BLMH: variants seen among roughly 807,000 people sequenced by gnomAD.
BLMH encodes the protein bleomycin hydrolase.
In BLMH, 32 loss-of-function variants were observed where a neutral mutation model predicts 61.6. The ratio of observed to expected loss-of-function variants is 0.52; its 90% CI spans 0.39 to 0.70. BLMH has a LOEUF of 0.70. Among genes scored for constraint, BLMH ranks in the 30% least tolerant of loss-of-function variants. The pLI is 0.00. For missense variants in BLMH, 460 were observed against 555.5 expected, an observed-to-expected ratio of 0.83 and a Z score of 1.73; for synonymous variants, 183 against 193.8, an observed-to-expected ratio of 0.94 and a Z score of 0.46.
chr17:30,248,937 A>T lies in BLMH; in HGVS notation c.*80T>A, dbSNP rs1399700886. On this transcript the variant is annotated 3_prime_UTR_variant, in exon 12 of 12. Transcript: ENST00000261714. ...TGTGGCAACACACAGTCCCTTGCATAACTTTGGCTTCAGTCCCTGGATCTG... is the reference window on the plus strand; with the variant it reads ...TGTGGCAACACACAGTCCCTTGCATTACTTTGGCTTCAGTCCCTGGATCTG... The T allele has an allele frequency of 2.0e-6, 3 of 1,535,770 alleles. No individual in the cohort carries two copies. In the African/African-American group the frequency reaches 4.1e-5, roughly 21 times the overall value.
chr17:30,277,487 G>A (rs547478234), intron 6 of BLMH, among the ~76,000 whole-genome samples: 2 of 152,308 alleles, frequency 1.3e-5, no homozygotes, highest in African/African-American at 4.8e-5. Flanking sequence ...TAAATGATGT[G>A]TATTTTCAAC....
chr17:30,279,903 G>C (rs1316016343), intron 6 of BLMH, among the ~76,000 whole-genome samples: 1 of 152,144 alleles, frequency 6.6e-6, no homozygotes. Flanking sequence ...GGAGAGAAAG[G>C]TAAAAGAATG....
chr17:30,288,236 G>T, intron 3 of BLMH: 1 of 281,926 alleles, frequency 3.5e-6, no homozygotes, highest in Non-Finnish European at 6.7e-6. Context: ...GACTTCATCA[G>T]AATATCTGAA....
rs1908880591 is a variant in BLMH, at chr17:30,291,349, G to C, written c.173C>G (p.Pro58Arg). The change falls in exon 2 of 12, where the codon CCC becomes CGC. Residue 58 changes from proline to arginine, a missense_variant. Physicochemically the swap from Pro to Arg is moderately radical, Grantham distance 103 (BLOSUM62 -2). This residue lies in a region of BLMH where 86 missense variants were observed against 84.5 expected (regional missense o/e 1.02). Coordinates refer to ENST00000261714, the MANE Select transcript of BLMH (RefSeq NM_000386.4). ...GTTGGTGATTGGCTTGCCCTCCTGG[G>C]GCACGGCGTGCTGGAACACATGCTG... ...RAQHVFQHAVPQEGKPITNQK... is the reference protein window; with the variant it reads ...RAQHVFQHAVRQEGKPITNQK... The C allele has an allele frequency of 6.2e-7, 1 of 1,612,264 alleles. No individual in the cohort carries two copies. The highest frequency in any genetic ancestry group is 1.3e-5 in the African/African-American group (1 of 74,918).
intron 11 of BLMH, among the ~76,000 whole-genome samples, chr17:30,255,053 G>A (rs922204472): frequency 4.6e-5 from 7 of 152,066 alleles, no homozygotes; most frequent in Non-Finnish European, 8.8e-5. Flanking sequence ...GTTGGAATCC[G>A]GATTTTTTCA....
At chr17:30,261,956 A>C (rs1023788223) in intron 11 of BLMH, among the ~76,000 whole-genome samples, 12 of 152,248 alleles carry the variant, frequency 7.9e-5, no homozygotes, top group Non-Finnish European at 2.9e-5. Context: ...AGGAACAGAG[A>C]GGCTCACTTG....
intron 2 of BLMH, 128 bp from the exon 3 acceptor site, chr17:30,289,610 GA>G (rs1328234899): frequency 3.9e-6 from 2 of 511,254 alleles, no homozygotes; most frequent in Non-Finnish European, 6.5e-6. Flanking sequence ...AGAAAGAGCA[GA>G]AAGATTAAAA....
chr17:30,270,240 CT>C (rs1908230834), intron 10 of BLMH, among the ~76,000 whole-genome samples: 1 of 152,170 alleles, frequency 6.6e-6, no homozygotes, highest in African/African-American at 2.4e-5. Context: ...TGGCTCATGC[CT>C]GTAATCCCAG....
intron 5 of BLMH, among the ~76,000 whole-genome samples, chr17:30,285,712 C>T (rs1209154845): frequency 1.3e-5 from 2 of 152,198 alleles, no homozygotes; most frequent in South Asian, 2.1e-4. Context: ...GACGGAACTG[C>T]TCCTTCTCTG....
chr17:30,267,304 C>T (rs1011716350), intron 10 of BLMH, among the ~76,000 whole-genome samples: 11 of 152,168 alleles, frequency 7.2e-5, no homozygotes, highest in Non-Finnish European at 1.6e-4. Flanking sequence ...CTACTAAAAG[C>T]AGTAAACATT....
Position 30,281,241 on chromosome 17 carries a change from CAT to C in BLMH, c.645+4145_645+4146del, listed in dbSNP as rs141849878. On this transcript the variant is annotated intron_variant, in intron 6 of 11. Transcript: ENST00000261714. ...TCTGTGATGTTAAAGGGAATGAACT[CAT>C]ATAGATGATAACTAATAGTTAAATA... Among the ~76,000 whole-genome samples, 1,310 of 152,078 alleles carry C rather than the reference CAT, an allele frequency of 8.6e-3. 15 individuals are homozygous for C. The highest frequency in any genetic ancestry group is 0.015 in the Non-Finnish European group (1,030 of 67,988).
intron 6 of BLMH, among the ~76,000 whole-genome samples, chr17:30,274,599 T>G (rs1371816572): frequency 6.6e-6 from 1 of 152,192 alleles, no homozygotes; most frequent in African/African-American, 2.4e-5. Context: ...TACATTGATG[T>G]TTTCCTTATT....
At chr17:30,256,422 G>A (rs1178496174) in intron 11 of BLMH, among the ~76,000 whole-genome samples, 8 of 152,098 alleles carry the variant, frequency 5.3e-5, no homozygotes, top group East Asian at 1.9e-4. Context: ...TCTGCCTCCC[G>A]GGTTCAGGTG....
chr17:30,273,111 A>G lies in BLMH; in HGVS notation c.802-212T>C, dbSNP rs536152375. On this transcript the variant is annotated intron_variant, in intron 7 of 11. Coordinates refer to ENST00000261714, the MANE Select transcript of BLMH (RefSeq NM_000386.4). ...TATTCTAATTCGCGTAAGAGACACA[A>G]TTAGGAGGTGCATCTACCTGTTTTT... The G allele has an allele frequency of 1.7e-5, 9 of 526,314 alleles. 1 individual carries two copies. In the South Asian group the frequency reaches 2.8e-4, roughly 16 times the overall value. The allele number at this position is 526,314 out of a possible 1,614,324, so 32.6% of individuals were successfully genotyped here.
intron 10 of BLMH, among the ~76,000 whole-genome samples, chr17:30,270,546 G>A (rs969198935): frequency 7.9e-5 from 12 of 151,898 alleles, no homozygotes; most frequent in African/African-American, 2.9e-4. Context: ...TTTATATAAG[G>A]TAGTTATTCT....
intron 7 of BLMH, chr17:30,273,812 G>A: frequency 1.8e-6 from 1 of 570,466 alleles, no homozygotes; most frequent in Non-Finnish European, 3.0e-6. Context: ...AATGACTGCT[G>A]GCTTACAGTT....
At chr17:30,249,454 C>G (rs1907615088) in intron 11 of BLMH, 1 of 379,090 alleles carries the variant, frequency 2.6e-6, no homozygotes. Context: ...AAGGCTAACA[C>G]CAGATCCTGT....
chr17:30,269,180 GTT>G (rs368369374), intron 10 of BLMH, among the ~76,000 whole-genome samples: 2 of 131,360 alleles, frequency 1.5e-5, no homozygotes. Flanking sequence ...TTTATTTATT[GTT>G]TTTTTTTTTT....
intron 10 of BLMH, among the ~76,000 whole-genome samples, chr17:30,270,621 T>G (rs1205323218): frequency 6.6e-6 from 1 of 152,206 alleles, no homozygotes; most frequent in African/African-American, 2.4e-5. Flanking sequence ...ATTAAAGTAG[T>G]TCAAGTTCTT....
Sources: allele counts gnomAD v4.1 joint callset (sites outside exome capture counted in the v4.1 genomes callset), GRCh38; gene constraint gnomAD v4.1.1; regional missense constraint gnomAD v4.1.1; transcripts MANE v1.5; gene names NCBI Gene and HGNC (gene_info 2026-07-23, HGNC 2026-07-21).